Variants in HERC1 observed in about 807,000 individuals in gnomAD.
The protein encoded by HERC1 is probable E3 ubiquitin-protein ligase HERC1.
In HERC1, 160 loss-of-function variants were observed where a neutral mutation model predicts 554.3. That is an observed-to-expected ratio of 0.29 (90% confidence interval 0.25 to 0.33). HERC1 has a LOEUF of 0.33. HERC1 is among the 10% of genes least tolerant of loss of function. The pLI, the probability that HERC1 is intolerant of heterozygous loss-of-function variation, is 1.00. For missense variants in HERC1, 4,919 were observed against 5,918.5 expected, an observed-to-expected ratio of 0.83 and a Z score of 5.54; for synonymous variants, 2,175 against 2,131.7, an observed-to-expected ratio of 1.02 and a Z score of -0.56.
At chr15:63,693,841 A>T in intron 30 of HERC1, 123 bp downstream of exon 30, 1 of 1,015,432 alleles carries the variant, frequency 9.8e-7, no homozygotes, top group Non-Finnish European at 1.4e-6. Flanking sequence ...AGGTTTGTAA[A>T]TAAACAAATA....
rs2072292601 is a variant in HERC1, at chr15:63,694,521, T to C, written c.5271A>G (p.Thr1757=). Residue 1757 remains threonine, a synonymous_variant, in exon 29 of 78, where the codon ACA becomes ACG. Coordinates refer to ENST00000443617, the MANE Select transcript of HERC1 (RefSeq NM_003922.4). This position sits in a 1 kb window ranked among gnomAD's most constrained non-coding sequence, Gnocchi z 4.3. ...IEAQQRLLLV[T]VFALSVHYQP... ...GATAATGAACACTTAGGGCAAAAAC[T>C]GTAACCAGAAGCAGACGTTGCTGGG... The C allele has an allele frequency of 1.9e-6, 3 of 1,613,890 alleles. No homozygotes were observed. The highest frequency in any genetic ancestry group is 1.7e-6 in the Non-Finnish European group (2 of 1,179,884).
At position 63,637,660 on chromosome 15, in the gene HERC1, GAATTA is replaced by G. The variant is rs1566961126; in HGVS notation, c.12094-22_12094-18del. Reference sequence around the variant, plus strand: ...ACAAATGACCTAGTATAAAAACACAGAATTAAATATTTTATTCTTTATTATATTGC... The same window carrying G: ...ACAAATGACCTAGTATAAAAACACAGAATATTTTATTCTTTATTATATTGC... On this transcript the variant is annotated intron_variant, in intron 63 of 77. Coordinates refer to ENST00000443617, the MANE Select transcript of HERC1 (RefSeq NM_003922.4). The G allele has an allele frequency of 3.9e-6, 6 of 1,536,524 alleles. No homozygotes were observed. The highest frequency in any genetic ancestry group is 2.8e-5 in the African/African-American group (2 of 72,362).
chr15:63,690,120 G>A (rs1000462867), intron 32 of HERC1, among the ~76,000 whole-genome samples: 4 of 142,702 alleles, frequency 2.8e-5, no homozygotes, highest in East Asian at 2.0e-4. Flanking sequence ...CTGAGATCGC[G>A]CCACTGCACT....
At chr15:63,625,141 C>T (rs942328662) in intron 71 of HERC1, among the ~76,000 whole-genome samples, 4 of 152,144 alleles carry the variant, frequency 2.6e-5, no homozygotes, top group Admixed American at 6.5e-5. Context: ...CACACACGCA[C>T]GCACACACAA....
intron 26 of HERC1, 51 bp from the exon 27 acceptor site, chr15:63,696,390 G>T: frequency 1.5e-6 from 2 of 1,323,964 alleles, no homozygotes; most frequent in Non-Finnish European, 2.1e-6. Flanking sequence ...CAGACATGAT[G>T]AAACTCTGTA....
At chr15:63,819,040 C>G (rs1423518695) in intron 1 of HERC1, among the ~76,000 whole-genome samples, 2 of 152,158 alleles carry the variant, frequency 1.3e-5, no homozygotes, top group Non-Finnish European at 2.9e-5. Context: ...CATCTTGGCC[C>G]ATTCGTAATG....
intron 1 of HERC1, among the ~76,000 whole-genome samples, chr15:63,786,752 AG>A (rs1352707229): frequency 1.3e-5 from 2 of 152,164 alleles, no homozygotes; most frequent in Non-Finnish European, 2.9e-5. Flanking sequence ...GAGGCTGGAG[AG>A]GAAGGGAAAA....
In HERC1 at chr15:63,727,136, C is replaced by T. The variant is rs2074075673; in HGVS notation, c.3346+511G>A. Among the ~76,000 whole-genome samples the T allele has an allele frequency of 6.6e-6, 1 of 151,992 alleles. No homozygotes were observed. The highest frequency in any genetic ancestry group is 2.1e-4 in the South Asian group (1 of 4,826). ...ACTAAAAATACAAAAATTAGCTGGA[C>T]GTGGTGGTGCATGCCTGTAATCCCA... On this transcript the variant is annotated intron_variant, in intron 17 of 77. Coordinates refer to ENST00000443617, the MANE Select transcript of HERC1 (RefSeq NM_003922.4). This position sits in a 1 kb window ranked among gnomAD's most constrained non-coding sequence, Gnocchi z 4.3.
chr15:63,785,459 A>G (rs752692968), intron 1 of HERC1, among the ~76,000 whole-genome samples: 2 of 152,126 alleles, frequency 1.3e-5, no homozygotes, highest in Non-Finnish European at 2.9e-5. Context: ...TCAAAATTAG[A>G]AAAACAAAAT....
chr15:63,770,311 C>A (rs1013175168), intron 2 of HERC1, among the ~76,000 whole-genome samples: 1 of 152,296 alleles, frequency 6.6e-6, no homozygotes, highest in East Asian at 1.9e-4. Context: ...CTTTGCCTCC[C>A]GCCCTCTTCT....
At position 63,680,687 on chromosome 15, in the gene HERC1, G is replaced by A. The variant is rs1216656195; in HGVS notation, c.6315C>T (p.Thr2105=). 6.2e-7 allele frequency: 1 copy of A among 1,613,664 alleles called. No homozygotes were observed. The highest frequency in any genetic ancestry group is 8.5e-7 in the Non-Finnish European group (1 of 1,179,768). The change falls in exon 35 of 78, where the codon ACC becomes ACT. Residue 2105 remains threonine (T), a synonymous_variant. Transcript: ENST00000443617. The surrounding 1 kb of genome is among the most constrained non-coding windows in gnomAD (Gnocchi z 5.8). ...AGGCCCTATAGAGCCACATATCCGA[G>A]GTAGTGCGGTGATTAAAGTCATGTA... The part of the protein sequence containing the change: ...WPVHDFNHRT[T]SDMWLYRAYS...
In HERC1 at chr15:63,641,409, A is replaced by G. The variant is rs567088418; in HGVS notation, c.11607+61T>C. 197 of 1,422,224 alleles carry G rather than the reference A, an allele frequency of 1.4e-4. No homozygotes were observed. In the South Asian group the frequency reaches 2.4e-3, roughly 17 times the overall value. 88.1% of individuals were successfully genotyped at this position (1,422,224 alleles called of 1,614,324 possible). ...GCTTTTAAGGGATAAGTTCAAGGCT[A>G]TAATCACATTCCAAAGCACCAGGTA... On this transcript the variant is annotated intron_variant, in intron 60 of 77. Coordinates refer to ENST00000443617, the MANE Select transcript of HERC1 (RefSeq NM_003922.4).
intron 32 of HERC1, among the ~76,000 whole-genome samples, chr15:63,690,166 C>CAA (rs373716359): frequency 0.034 from 2,639 of 77,638 alleles, 90 homozygotes; most frequent in African/African-American, 0.11. Context: ...GACTCCATCT[C>CAA]AAAAAAAAAA....
chr15:63,674,627 C>A lies in HERC1; in HGVS notation c.7561G>T (p.Ala2521Ser), dbSNP rs963612854. 1 of 1,613,342 alleles carries A rather than the reference C, an allele frequency of 6.2e-7. No homozygotes were observed. The highest frequency in any genetic ancestry group is 8.5e-7 in the Non-Finnish European group (1 of 1,179,570). ...GCATATTTACTACAGCCAAGAAGGG[C>A]ACTAAGTGACTTCATAGCACCGAGG... ...LYLGAMKSLSALLGCSKYAEL... is the reference protein window; with the variant it reads ...LYLGAMKSLSSLLGCSKYAEL... Residue 2521 changes from alanine (A) to serine (S), a missense_variant, in exon 38 of 78, where the codon GCC becomes TCC. Around this residue, in one of 11 missense-constraint regions of HERC1, gnomAD observed 1,963 missense variants for 2,228.6 expected, o/e 0.88. Coordinates refer to ENST00000443617, the MANE Select transcript of HERC1 (RefSeq NM_003922.4).
intron 14 of HERC1, among the ~76,000 whole-genome samples, chr15:63,731,489 G>C (rs1282388453): frequency 6.6e-6 from 1 of 151,984 alleles, no homozygotes; most frequent in African/African-American, 2.4e-5. Flanking sequence ...TTATAACTTT[G>C]GGAAAAATTT....
intron 51 of HERC1, among the ~76,000 whole-genome samples, chr15:63,653,444 G>A (rs1220394052): frequency 6.6e-6 from 1 of 152,124 alleles, no homozygotes; most frequent in African/African-American, 2.4e-5. Flanking sequence ...AAAAAAAACT[G>A]TTTAAGTAAT....
chr15:63,775,250 C>T lies in HERC1; in HGVS notation c.374G>A (p.Gly125Asp), dbSNP rs1193137307. ...AGAATGCTGCTGCTGCTTCACCTTG[C>T]CTTTGTCATGGTATTTATTAGAAAG... ...YALSNKYHDK[G>D]KVKQQQHSPE... Residue 125 changes from glycine (G) to aspartate (D), a missense_variant, in exon 2 of 78, where the codon GGC (glycine) becomes GAC (aspartate). Physicochemically the swap from Gly to Asp is moderately conservative, Grantham distance 94. Coordinates refer to ENST00000443617, the MANE Select transcript of HERC1 (RefSeq NM_003922.4). This position sits in a 1 kb window ranked among gnomAD's most constrained non-coding sequence, Gnocchi z 4.0. 4 of 1,613,878 alleles carry T rather than the reference C, an allele frequency of 2.5e-6. No homozygotes were observed. Among genetic ancestry groups the T allele is most frequent in the Non-Finnish European group, 3.4e-6 (4 of 1,179,888 alleles).
At position 63,761,641 on chromosome 15, in the gene HERC1, T is replaced by C. The variant is rs1313505663; in HGVS notation, c.1026+2455A>G. 2.0e-5 allele frequency among the ~76,000 whole-genome samples: 3 copies of C among 151,346 alleles called. 1 individual carries two copies. Among genetic ancestry groups the C allele is most frequent in the Admixed American group, 1.3e-4 (2 of 15,180 alleles). On this transcript the variant is annotated intron_variant, in intron 3 of 77. Coordinates refer to ENST00000443617, the MANE Select transcript of HERC1 (RefSeq NM_003922.4). ...GTAATAACTATATGGCCTATATAGA[T>C]GTAATACAATTATTAAAAAACAGGG...
At chr15:63,742,935 T>C (rs373441556) in intron 12 of HERC1, among the ~76,000 whole-genome samples, 4 of 152,214 alleles carry the variant, frequency 2.6e-5, no homozygotes, top group East Asian at 1.9e-4. Flanking sequence ...AGCTGGTCTA[T>C]AGTTTTTCTT....
Sources: allele counts gnomAD v4.1 joint callset (sites outside exome capture counted in the v4.1 genomes callset), GRCh38; gene constraint gnomAD v4.1.1; regional missense constraint gnomAD v4.1.1; non-coding constraint Gnocchi (gnomAD v3.1); transcripts MANE v1.5; gene names NCBI Gene and HGNC (gene_info 2026-07-23, HGNC 2026-07-21).